FBXO34: variants seen among roughly 807,000 people sequenced by gnomAD.
FBXO34 encodes F-box protein 34, also known as F-box only protein 34.
Under a neutral mutation model 24.5 loss-of-function variants are expected in FBXO34, and 12 were observed. That is an observed-to-expected ratio of 0.49 (90% confidence interval 0.31 to 0.79). The LOEUF is 0.79. FBXO34 is among the 30% of genes least tolerant of loss of function. The probability of loss-of-function intolerance (pLI) is 0.04; values close to 1 mark genes in which losing one functional copy is unlikely to be tolerated. For missense variants in FBXO34, 823 were observed against 857.7 expected (o/e 0.96, Z 0.51); for synonymous variants, 320 against 311.9 (o/e 1.03, Z -0.27).
rs1260600760 is a variant in FBXO34, at chr14:55,352,054, C to T, written c.1664C>T (p.Ser555Leu). 8 of 1,614,138 alleles carry T rather than the reference C, an allele frequency of 5.0e-6. No homozygotes were observed. The highest frequency in any genetic ancestry group is 1.7e-5 in the Admixed American group (1 of 60,022). The change falls in exon 2 of 2, where the codon TCG becomes TTG. Residue 555 changes from serine (S) to leucine (L), a missense_variant. Physicochemically the swap from Ser to Leu is moderately radical, Grantham distance 145. This residue lies in a region of FBXO34 where 130 missense variants were observed against 198.6 expected (regional missense o/e 0.65). Coordinates refer to ENST00000313833, the MANE Select transcript of FBXO34 (RefSeq NM_017943.4). The stretch of plus-strand genomic sequence containing the variant: ...GCATCCAGTTGGAAGAAGCAGGTGT[C>T]GCATGACTTCCTGGAGACCAGGTTT... ...LEASSWKKQV[S>L]HDFLETRFKI...
intron 1 of FBXO34, among the ~76,000 whole-genome samples, chr14:55,310,480 T>G (rs1386040964): frequency 6.6e-6 from 1 of 152,112 alleles, no homozygotes; most frequent in African/African-American, 2.4e-5. Flanking sequence ...ATTTACTGAT[T>G]AATAATGGAG....
chr14:55,341,545 T>C (rs1016532128), intron 1 of FBXO34, among the ~76,000 whole-genome samples: 3 of 152,178 alleles, frequency 2.0e-5, no homozygotes, highest in Non-Finnish European at 2.9e-5. Flanking sequence ...AATATTAGAA[T>C]AGGTAAAATA....
chr14:55,392,491 T>C, the FBXO34 span, among the ~76,000 whole-genome samples: 1 of 151,506 alleles, frequency 6.6e-6, no homozygotes, highest in Non-Finnish European at 1.5e-5. Context: ...CTACCAAAAA[T>C]ACAAAAAATT....
downstream of FBXO34, chr14:55,369,913 A>T: frequency 6.2e-7 from 1 of 1,610,754 alleles, no homozygotes; most frequent in Non-Finnish European, 8.5e-7. Context: ...CTCGTACTTC[A>T]AAGGGCCCTG....
At chr14:55,338,933 A>AT (rs1262515107) in intron 1 of FBXO34, among the ~76,000 whole-genome samples, 1 of 151,068 alleles carries the variant, frequency 6.6e-6, no homozygotes, top group Admixed American at 6.6e-5. Context: ...AAAAAAAAAA[A>AT]GCCAAAAAAA....
chr14:55,407,707 G>A, the FBXO34 span, among the ~76,000 whole-genome samples: 4 of 152,168 alleles, frequency 2.6e-5, no homozygotes, highest in African/African-American at 9.7e-5. Flanking sequence ...TTCTGGATGT[G>A]GCTATCTTCC....
chr14:55,284,022 A>AG (rs1443115137), intron 1 of FBXO34, among the ~76,000 whole-genome samples: 5 of 150,428 alleles, frequency 3.3e-5, no homozygotes, highest in Non-Finnish European at 7.4e-5. Context: ...TTTTAGAGGT[A>AG]GGGTCTCATT....
the FBXO34 span, among the ~76,000 whole-genome samples, chr14:55,442,172 T>G: frequency 6.6e-6 from 1 of 151,530 alleles, no homozygotes; most frequent in African/African-American, 2.4e-5. Context: ...GTGGATCACC[T>G]GAGGTCAGGA....
chr14:55,273,270 T>G (rs1195468769), intron 1 of FBXO34, among the ~76,000 whole-genome samples: 1 of 152,148 alleles, frequency 6.6e-6, no homozygotes, highest in African/African-American at 2.4e-5. Context: ...TACATCAACA[T>G]GCAGATGGAA....
chr14:55,368,220 G>A (rs936162806), downstream of FBXO34: 1 of 152,432 alleles, frequency 6.6e-6, no homozygotes, highest in African/African-American at 2.4e-5. Context: ...CCTGCTGAGG[G>A]AAATTCTTTT....
the FBXO34 span, among the ~76,000 whole-genome samples, chr14:55,408,308 AGTTAGG>A: frequency 1.3e-5 from 2 of 152,040 alleles, no homozygotes; most frequent in Non-Finnish European, 2.9e-5. Context: ...CAAAAAAACT[AGTTAGG>A]CGTGTTGATG....
chr14:55,441,470 T>C, the FBXO34 span, among the ~76,000 whole-genome samples: 1 of 152,196 alleles, frequency 6.6e-6, no homozygotes, highest in Non-Finnish European at 1.5e-5. Flanking sequence ...ATGTTTTTTT[T>C]CTCTTGAGCA....
chr14:55,272,023 G>A (rs1230897971), intron 1 of FBXO34: 4 of 152,300 alleles, frequency 2.6e-5, no homozygotes, highest in African/African-American at 9.6e-5. Context: ...TCAACGACGA[G>A]GCGGGACGGA....
At chr14:55,405,392 A>G in the FBXO34 span, among the ~76,000 whole-genome samples, 1 of 152,176 alleles carries the variant, frequency 6.6e-6, no homozygotes, top group Non-Finnish European at 1.5e-5. Context: ...TCCTGGCAAA[A>G]GTATAATCAT....
the FBXO34 span, among the ~76,000 whole-genome samples, chr14:55,379,658 A>G: frequency 1.3e-3 from 195 of 152,316 alleles, no homozygotes; most frequent in Non-Finnish European, 1.1e-3. Context: ...AAATGCAATG[A>G]TAGTTGGAGG....
chr14:55,303,013 G>A (rs2139716678), intron 1 of FBXO34, among the ~76,000 whole-genome samples: 1 of 152,330 alleles, frequency 6.6e-6, no homozygotes, highest in East Asian at 1.9e-4. Flanking sequence ...AGTCTTGGCA[G>A]CAGTGTTTTG....
chr14:55,319,960 C>G (rs149220209), intron 1 of FBXO34, among the ~76,000 whole-genome samples: 2,158 of 152,262 alleles, frequency 0.014, 58 homozygotes, highest in African/African-American at 0.049. Context: ...GCATGAGCCA[C>G]CACACCTGGC....
chr14:55,428,539 C>T, the FBXO34 span, among the ~76,000 whole-genome samples: 2 of 152,110 alleles, frequency 1.3e-5, no homozygotes, highest in Non-Finnish European at 2.9e-5. Context: ...AGCAAAATCT[C>T]TGGTGAAGAA....
At position 55,353,149 on chromosome 14, in the gene FBXO34, C is replaced by T. The variant is rs1478920237; in HGVS notation, c.*623C>T. 2 of 167,136 alleles carry T rather than the reference C, an allele frequency of 1.2e-5. No individual in the cohort carries two copies. The highest frequency in any genetic ancestry group is 2.9e-5 in the Non-Finnish European group (2 of 68,246). 10.4% of individuals were successfully genotyped at this position (167,136 alleles called of 1,614,324 possible). On this transcript the variant is annotated 3_prime_UTR_variant, in exon 2 of 2. Coordinates refer to ENST00000313833, the MANE Select transcript of FBXO34 (RefSeq NM_017943.4). ...GCACGTTAAACCTGAGCGCCTTTAC[C>T]TTTAGATGAGTGCTTTGGCCCCTCT... is the stretch of plus-strand genomic sequence containing the variant.
Sources: allele counts gnomAD v4.1 joint callset (sites outside exome capture counted in the v4.1 genomes callset), GRCh38; gene constraint gnomAD v4.1.1; regional missense constraint gnomAD v4.1.1; transcripts MANE v1.5; gene names NCBI Gene and HGNC (gene_info 2026-07-23, HGNC 2026-07-21).